DYSF: variants seen among roughly 807,000 people sequenced by gnomAD.
DYSF encodes the protein dystrophy-associated fer-1-like 1.
In DYSF, 212 loss-of-function variants were observed where a neutral mutation model predicts 274.9. The ratio of observed to expected loss-of-function variants is 0.77; its 90% CI spans 0.69 to 0.86. The LOEUF is 0.86. Ranked by LOEUF, DYSF falls within the 40% of genes least tolerant of loss-of-function variation. The probability of loss-of-function intolerance (pLI) is 0.00; values close to 1 mark genes in which losing one functional copy is unlikely to be tolerated. For synonymous variants in DYSF, 1,091 were observed against 1,078.7 expected, an observed-to-expected ratio of 1.01 and a Z score of -0.22; for missense variants, 2,666 against 2,783.2, an observed-to-expected ratio of 0.96 and a Z score of 0.95.
chr2:71,595,475 C>T (rs2093380243), intron 32 of DYSF, among the ~76,000 whole-genome samples: 1 of 152,190 alleles, frequency 6.6e-6, no homozygotes, highest in African/African-American at 2.4e-5. Context: ...ACTTCCCACT[C>T]TGTCCCCGAC....
At chr2:71,483,787 G>C (rs1445820939) in intron 3 of DYSF, among the ~76,000 whole-genome samples, 1 of 152,124 alleles carries the variant, frequency 6.6e-6, no homozygotes, top group Admixed American at 6.5e-5. Context: ...AGTGATGGCA[G>C]AGCTGTGATT....
At position 71,567,952 on chromosome 2, in the gene DYSF, A is replaced by G. The variant is rs1323896503; in HGVS notation, c.2567A>G (p.Tyr856Cys). ...TTTCTGTCCTTCTCTGGTACCCAGT[A>G]TCCGATGGAGAAGGTGCCTGGCGCC... ...CGKLQTIFLK[Y>C]PMEKVPGARM... The change falls in exon 25 of 56, where the codon TAT (tyrosine) becomes TGT (cysteine). Residue 856 changes from tyrosine (Y) to cysteine (C), a missense_variant and splice_region_variant. This residue lies in a region of DYSF where 412 missense variants were observed against 504.0 expected (regional missense o/e 0.82). Coordinates refer to ENST00000410020, the MANE Select transcript of DYSF (RefSeq NM_001130987.2). 3.1e-6 allele frequency: 5 copies of G among 1,614,080 alleles called. No homozygotes were observed. In the South Asian group the frequency reaches 3.3e-5, roughly 11 times the overall value.
intron 41 of DYSF, 137 bp downstream of exon 41, chr2:71,620,746 C>T (rs1558647783): frequency 2.3e-6 from 2 of 876,878 alleles, no homozygotes; most frequent in East Asian, 2.7e-5. Flanking sequence ...GGGAAGTCAC[C>T]TATCTTTGCC....
At chr2:71,600,492 A>G (rs2093522927) in intron 33 of DYSF, among the ~76,000 whole-genome samples, 1 of 152,222 alleles carries the variant, frequency 6.6e-6, no homozygotes, top group Non-Finnish European at 1.5e-5. Flanking sequence ...TGGGAATTCA[A>G]ACCTAGTGAC....
intron 41 of DYSF, among the ~76,000 whole-genome samples, chr2:71,634,101 C>T (rs913954682): frequency 1.3e-5 from 2 of 152,180 alleles, no homozygotes; most frequent in Non-Finnish European, 2.9e-5. Context: ...GGAGAGGCTT[C>T]CAGTCCATGC....
intron 41 of DYSF, among the ~76,000 whole-genome samples, chr2:71,626,749 T>A (rs928060507): frequency 6.6e-6 from 1 of 151,962 alleles, no homozygotes; most frequent in African/African-American, 2.4e-5. Context: ...GCCGTAAGAT[T>A]GGCATTATCC....
intron 41 of DYSF, among the ~76,000 whole-genome samples, chr2:71,622,139 T>C (rs927214211): frequency 1.3e-5 from 2 of 148,412 alleles, no homozygotes; most frequent in African/African-American, 4.9e-5. Context: ...TGTTTTTTTT[T>C]TTTTTTTGTT....
intron 40 of DYSF, among the ~76,000 whole-genome samples, chr2:71,617,852 TG>T (rs1194540309): frequency 2.8e-5 from 1 of 35,118 alleles, no homozygotes; most frequent in South Asian, 1.0e-3. Flanking sequence ...GTGGTAGAGA[TG>T]GGGTGTGTGT....
At chr2:71,673,110 T>C (rs1386833700) in intron 51 of DYSF, among the ~76,000 whole-genome samples, 3 of 152,178 alleles carry the variant, frequency 2.0e-5, no homozygotes, top group Non-Finnish European at 4.4e-5. Flanking sequence ...GTCCAGGCCC[T>C]TGCTCTGACC....
chr2:71,590,564 C>A (rs1419822771), intron 32 of DYSF, among the ~76,000 whole-genome samples: 2 of 152,136 alleles, frequency 1.3e-5, no homozygotes, highest in Non-Finnish European at 2.9e-5. Context: ...GTCCCTGCAG[C>A]CTCCTCCCTG....
At chr2:71,512,122 A>T (rs1339041712) in intron 5 of DYSF, among the ~76,000 whole-genome samples, 2 of 152,244 alleles carry the variant, frequency 1.3e-5, no homozygotes, top group Admixed American at 6.5e-5. Context: ...AAGAAGGGGC[A>T]GCAGGCACGT....
At chr2:71,466,619 A>T, upstream of DYSF, 2 of 1,252,230 alleles carry the variant, frequency 1.6e-6, no homozygotes, top group Non-Finnish European at 1.0e-6. Flanking sequence ...GGCAGGGCGG[A>T]TCTGGGTAGG....
At chr2:71,534,961 CG>C in intron 14 of DYSF, 59 bp from the exon 15 acceptor site, 1 of 1,583,330 alleles carries the variant, frequency 6.3e-7, no homozygotes, top group Non-Finnish European at 8.7e-7. Flanking sequence ...CATGTGGCCC[CG>C]GGGGAGCCCA....
chr2:71,680,198 C>T (rs1237527195), intron 53 of DYSF, among the ~76,000 whole-genome samples: 3 of 152,104 alleles, frequency 2.0e-5, no homozygotes, highest in Admixed American at 1.3e-4. Context: ...GTACTGCCCA[C>T]GGGTAGCTGA....
In DYSF at chr2:71,551,853, C is replaced by T. The variant is rs147018308; in HGVS notation, c.1806+133C>T. The T allele has an allele frequency of 6.6e-4, 443 of 674,332 alleles. 3 individuals are homozygous for T. The highest frequency in any genetic ancestry group is 6.5e-3 in the African/African-American group (363 of 56,042). 41.8% of individuals were successfully genotyped at this position (674,332 alleles called of 1,614,324 possible). A position where few individuals can be genotyped will look rare whatever the true frequency, so the allele number is the denominator to read the frequency against. On this transcript the variant is annotated intron_variant, in intron 19 of 55. Coordinates refer to ENST00000410020, the MANE Select transcript of DYSF (RefSeq NM_001130987.2). Reference sequence around the variant, plus strand: ...CACACGCATCGTGCCTTTACCTCCCCGGGCCTCAAGTCTCAGCTGTAAAGT... The same window carrying T: ...CACACGCATCGTGCCTTTACCTCCCTGGGCCTCAAGTCTCAGCTGTAAAGT...
intron 11 of DYSF, 68 bp from the exon 12 acceptor site, chr2:71,520,721 T>G: frequency 7.1e-7 from 1 of 1,415,916 alleles, no homozygotes; most frequent in Non-Finnish European, 1.0e-6. Context: ...CCATCCTGGG[T>G]TCCCGGATGT....
chr2:71,525,517 C>T (rs2087777643), intron 12 of DYSF, among the ~76,000 whole-genome samples: 1 of 152,284 alleles, frequency 6.6e-6, no homozygotes, highest in Middle Eastern at 3.4e-3. Flanking sequence ...AGCCACGGCG[C>T]CCAGGCTTCC....
At chr2:71,516,819 GTATCT>G (rs2086706594) in intron 9 of DYSF, among the ~76,000 whole-genome samples, 165 bp from the exon 10 acceptor site, 3 of 152,214 alleles carry the variant, frequency 2.0e-5, no homozygotes, top group Non-Finnish European at 4.4e-5. Context: ...GATAATGACA[GTATCT>G]GCTGATGGGG....
chr2:71,656,464 G>A (rs2094773211), intron 43 of DYSF, among the ~76,000 whole-genome samples, 174 bp downstream of exon 43: 1 of 152,152 alleles, frequency 6.6e-6, no homozygotes, highest in Non-Finnish European at 1.5e-5. Flanking sequence ...GACTGGTGAT[G>A]GGATGGTGTT....
Sources: gnomAD v4.1 joint callset for allele counts (sites outside exome capture counted in the v4.1 genomes callset) on GRCh38, gnomAD v4.1.1 for gene constraint, gnomAD v4.1.1 regional missense constraint, MANE v1.5 for transcripts, NCBI Gene and HGNC (gene_info 2026-07-23, HGNC 2026-07-21) for gene names.